The following IGSF10 variants were observed in gnomAD, a reference collection of about 807,000 sequenced individuals.
The protein encoded by IGSF10 is calvaria mechanical force protein 608.
IGSF10 carries 126 observed loss-of-function variants against 128.2 expected under a neutral mutation model. The ratio of observed to expected loss-of-function variants is 0.98; its 90% CI spans 0.85 to 1.14. IGSF10 has a LOEUF of 1.14. IGSF10 is among the 50% of genes most tolerant of loss of function. The pLI is 0.00. For missense variants in IGSF10, 3,295 were observed against 3,149.8 expected, an observed-to-expected ratio of 1.05 and a Z score of -1.10; for synonymous variants, 1,185 against 1,146.2, an observed-to-expected ratio of 1.03 and a Z score of -0.68.
chr3:151,509,289 T>G, the IGSF10 span, among the ~76,000 whole-genome samples: 1 of 152,178 alleles, frequency 6.6e-6, no homozygotes. Context: ...AATACTAAAT[T>G]GTTTAGATAT....
At chr3:151,438,656 T>C (rs146314482) in intron 7 of IGSF10, 59 bp from the exon 8 acceptor site, 3 of 1,360,462 alleles carry the variant, frequency 2.2e-6, no homozygotes, top group Non-Finnish European at 2.0e-6. Flanking sequence ...GAAACTGTTT[T>C]ACTCAGGATT....
At chr3:151,468,230 AT>A in the IGSF10 span, among the ~76,000 whole-genome samples, 1 of 152,234 alleles carries the variant, frequency 6.6e-6, no homozygotes, top group Non-Finnish European at 1.5e-5. Flanking sequence ...TTAGCTGAAC[AT>A]TTTGAGAGGA....
At chr3:151,567,782 G>A in the IGSF10 span, among the ~76,000 whole-genome samples, 2 of 152,150 alleles carry the variant, frequency 1.3e-5, no homozygotes, top group Non-Finnish European at 2.9e-5. Context: ...AACCTGCTTA[G>A]CCTATTTTCC....
chr3:151,527,846 A>G, the IGSF10 span, among the ~76,000 whole-genome samples: 1 of 151,724 alleles, frequency 6.6e-6, no homozygotes, highest in Admixed American at 6.6e-5. Flanking sequence ...CCAGCTACCT[A>G]GCAGACTGAG....
the IGSF10 span, among the ~76,000 whole-genome samples, chr3:151,494,363 G>A: frequency 1.3e-5 from 2 of 152,102 alleles, no homozygotes; most frequent in African/African-American, 4.8e-5. Context: ...GGGGAGCTAT[G>A]TGCAGAAACC....
the IGSF10 span, among the ~76,000 whole-genome samples, chr3:151,471,269 C>G: frequency 6.6e-6 from 1 of 152,176 alleles, no homozygotes; most frequent in African/African-American, 2.4e-5. Flanking sequence ...AAACCTCTTT[C>G]CTTCATAAAT....
At chr3:151,467,518 G>A in the IGSF10 span, among the ~76,000 whole-genome samples, 2 of 152,308 alleles carry the variant, frequency 1.3e-5, 1 homozygote, top group African/African-American at 4.8e-5. Flanking sequence ...GGCAGTAGCA[G>A]AATGGGACAA....
In IGSF10 at chr3:151,437,039, C is replaced by T. The variant is rs1187593502; in HGVS notation, c.7522G>A (p.Ala2508Thr). The change falls in exon 8 of 8, where the codon GCT becomes ACT. Residue 2508 changes from alanine (A) to threonine (T), a missense_variant. Coordinates refer to ENST00000282466, the MANE Select transcript of IGSF10 (RefSeq NM_178822.5). ...AGTGTATGACCAACACTATTTTGAG[C>T]CTTACAGATATAGTTTCCTCTGTCA... ...AYDRGNYICKAQNSVGHTLIT... is the reference protein window; with the variant it reads ...AYDRGNYICKTQNSVGHTLIT... The T allele has an allele frequency of 1.2e-6, 2 of 1,614,124 alleles. No homozygotes were observed. The highest frequency in any genetic ancestry group is 1.7e-6 in the Non-Finnish European group (2 of 1,179,982).
chr3:151,451,937 A>C (rs961028560), intron 5 of IGSF10, among the ~76,000 whole-genome samples: 50 of 152,226 alleles, frequency 3.3e-4, no homozygotes, highest in African/African-American at 1.1e-3. Flanking sequence ...AAAGAATAGA[A>C]GATACCCACA....
chr3:151,470,257 A>G, the IGSF10 span, among the ~76,000 whole-genome samples: 2 of 152,186 alleles, frequency 1.3e-5, no homozygotes, highest in African/African-American at 4.8e-5. Flanking sequence ...CTTTCATACA[A>G]AGGTCACAAG....
the IGSF10 span, among the ~76,000 whole-genome samples, chr3:151,512,098 T>G: frequency 2.0e-5 from 3 of 152,146 alleles, no homozygotes; most frequent in African/African-American, 7.2e-5. Flanking sequence ...TGAACTCAGC[T>G]CTGCACCAAG....
At chr3:151,482,549 G>A in the IGSF10 span, among the ~76,000 whole-genome samples, 1 of 152,140 alleles carries the variant, frequency 6.6e-6, no homozygotes, top group African/African-American at 2.4e-5. Flanking sequence ...AGTCTATAGG[G>A]CATTATTAAG....
At chr3:151,496,427 T>C in the IGSF10 span, among the ~76,000 whole-genome samples, 70,360 of 146,714 alleles carry the variant, frequency 0.48, 17,120 homozygotes, top group South Asian at 0.58. Context: ...CAATTCCCTA[T>C]GAGTGAGAAC....
chr3:151,518,302 G>C, the IGSF10 span, among the ~76,000 whole-genome samples: 2 of 151,794 alleles, frequency 1.3e-5, no homozygotes, highest in African/African-American at 4.8e-5. Context: ...TCCATTTTTT[G>C]TTCCTCACTT....
intron 7 of IGSF10, among the ~76,000 whole-genome samples, chr3:151,439,582 C>G (rs1268701872): frequency 6.6e-6 from 1 of 152,250 alleles, no homozygotes; most frequent in Non-Finnish European, 1.5e-5. Context: ...CCACTACACT[C>G]TAGTCTGGGT....
At position 151,443,148 on chromosome 3, in the gene IGSF10, T is replaced by G; in HGVS notation, c.5799A>C (p.Thr1933=). Reference sequence around the variant, plus strand: ...TGGGGCTGGTCACTCGCTCTTCCATTGTAAGCATTACTACTCTTCGCTCCG... The same window carrying G: ...TGGGGCTGGTCACTCGCTCTTCCATGGTAAGCATTACTACTCTTCGCTCCG... ...TGSERRVVML[T]MEERVTSPRI... Residue 1933 remains threonine, a synonymous_variant, in exon 7 of 8, where the codon ACA becomes ACC. Coordinates refer to ENST00000282466, the MANE Select transcript of IGSF10 (RefSeq NM_178822.5). 2.5e-6 allele frequency: 4 copies of G among 1,614,262 alleles called. No homozygotes were observed. The highest frequency in any genetic ancestry group is 3.4e-6 in the Non-Finnish European group (4 of 1,180,052).
chr3:151,589,039 T>C, the IGSF10 span, among the ~76,000 whole-genome samples: 3 of 152,196 alleles, frequency 2.0e-5, no homozygotes, highest in Admixed American at 2.0e-4. Flanking sequence ...AAACTTTTCA[T>C]TAAAACTATT....
chr3:151,507,014 G>C, the IGSF10 span, among the ~76,000 whole-genome samples: 6 of 152,172 alleles, frequency 3.9e-5, no homozygotes, highest in Non-Finnish European at 7.3e-5. Context: ...ATACTTGCTT[G>C]ATTTGACTGT....
the IGSF10 span, among the ~76,000 whole-genome samples, chr3:151,541,868 G>A: frequency 8.8e-4 from 88 of 100,148 alleles, no homozygotes; most frequent in Non-Finnish European, 1.4e-3. Flanking sequence ...GCTAAGCATG[G>A]CCACTTTCTC....
Sources: allele counts gnomAD v4.1 joint callset (sites outside exome capture counted in the v4.1 genomes callset), GRCh38; gene constraint gnomAD v4.1.1; transcripts MANE v1.5; gene names NCBI Gene and HGNC (gene_info 2026-07-23, HGNC 2026-07-21).